ST6GAL2: variants seen among roughly 807,000 people sequenced by gnomAD.
ST6GAL2 encodes beta-galactoside alpha-2,6-sialyltransferase 2.
ST6GAL2 carries 24 observed loss-of-function variants against 37.5 expected under a neutral mutation model. That is an observed-to-expected ratio of 0.64 (90% CI 0.46 to 0.90). ST6GAL2 has a LOEUF of 0.90. Ranked by LOEUF, ST6GAL2 falls within the 40% of genes least tolerant of loss-of-function variation. The pLI is 0.00. For synonymous variants in ST6GAL2, 306 were observed against 295.1 expected, an observed-to-expected ratio of 1.04 and a Z score of -0.38; for missense variants, 715 against 712.7, an observed-to-expected ratio of 1.00 and a Z score of -0.04.
intron 1 of ST6GAL2, among the ~76,000 whole-genome samples, chr2:106,863,503 G>A (rs1456442454): frequency 2.0e-5 from 3 of 152,018 alleles, no homozygotes; most frequent in South Asian, 2.1e-4. Context: ...TGACCCCCCC[G>A]TCTAACGCAC....
chr2:106,838,605 G>A (rs1676742294), intron 2 of ST6GAL2, among the ~76,000 whole-genome samples: 1 of 152,202 alleles, frequency 6.6e-6, no homozygotes, highest in East Asian at 1.9e-4. Flanking sequence ...GAGAGCTAGT[G>A]TTTCTGGAGA....
At chr2:106,837,809 G>A (rs1676709316) in intron 2 of ST6GAL2, among the ~76,000 whole-genome samples, 1 of 152,208 alleles carries the variant, frequency 6.6e-6, no homozygotes. Flanking sequence ...GTCTTATTGT[G>A]GAGCTGTGCT....
intron 1 of ST6GAL2, among the ~76,000 whole-genome samples, chr2:106,880,009 G>C (rs1366177714): frequency 6.8e-6 from 1 of 147,882 alleles, no homozygotes; most frequent in African/African-American, 2.5e-5. Context: ...TACTATTATA[G>C]ACCAATTATA....
chr2:106,858,684 A>G (rs937766367), intron 1 of ST6GAL2, among the ~76,000 whole-genome samples: 1 of 152,288 alleles, frequency 6.6e-6, no homozygotes, highest in Admixed American at 6.5e-5. Context: ...GGATTCCCAT[A>G]TCCTGTCAAC....
At chr2:106,812,762 T>C (rs1032873009) in intron 5 of ST6GAL2, among the ~76,000 whole-genome samples, 2 of 152,262 alleles carry the variant, frequency 1.3e-5, no homozygotes, top group Non-Finnish European at 2.9e-5. Context: ...CATCTGGTTA[T>C]GCTAAAAATG....
rs554714372 is a variant in ST6GAL2 at position 106,842,546 on chromosome 2, G to A, written c.943+489C>T. Among the ~76,000 whole-genome samples the A allele has an allele frequency of 5.3e-5, 8 of 152,272 alleles. No individual in the cohort carries two copies. The South Asian group carries it at 1.5e-3, about 28-fold the overall frequency. ...TTATCTTCATGCACCCTGCTCTTTG[G>A]AGCTGACGCCCTGATTGGGCAGCTT... On this transcript the variant is annotated intron_variant, in intron 2 of 5. Transcript: ENST00000409382.
intron 1 of ST6GAL2, among the ~76,000 whole-genome samples, chr2:106,885,143 T>C (rs1408897947): frequency 6.6e-6 from 1 of 151,674 alleles, no homozygotes; most frequent in Non-Finnish European, 1.5e-5. Context: ...AAATACAAAA[T>C]GTGCTTCCAG....
In ST6GAL2 at chr2:106,867,129, G is replaced by A. The variant is rs770265683; in HGVS notation, c.-58+18964C>T. On this transcript the variant is annotated intron_variant, in intron 1 of 5. Coordinates refer to ENST00000409382, the MANE Select transcript of ST6GAL2 (RefSeq NM_001142351.2). ...AACATTTTGTTTTAGTACCTTGGAG[G>A]GCACTTCTTTCCTGTTTTTTGAATA... Among the ~76,000 whole-genome samples, 36 of 152,108 alleles carry A rather than the reference G, an allele frequency of 2.4e-4. 1 individual carries two copies. Among genetic ancestry groups the A allele is most frequent in the Non-Finnish European group, 4.6e-4 (31 of 68,028 alleles).
intron 1 of ST6GAL2, among the ~76,000 whole-genome samples, chr2:106,884,970 T>C (rs988696622): frequency 1.4e-5 from 2 of 145,904 alleles, no homozygotes; most frequent in East Asian, 2.0e-4. Context: ...TATGTGTATG[T>C]ATATACATAT....
chr2:106,835,531 C>T (rs1412905611), intron 2 of ST6GAL2, among the ~76,000 whole-genome samples: 4 of 152,174 alleles, frequency 2.6e-5, no homozygotes, highest in Non-Finnish European at 4.4e-5. Flanking sequence ...ATGCATAAAG[C>T]GTAGGTGGCT....
intron 1 of ST6GAL2, among the ~76,000 whole-genome samples, chr2:106,847,950 G>C (rs1164858942): frequency 3.3e-5 from 5 of 152,056 alleles, no homozygotes; most frequent in African/African-American, 1.2e-4. Context: ...CTGGCCATGT[G>C]AGTGAACTTA....
At chr2:106,862,014 G>T (rs1677819775) in intron 1 of ST6GAL2, among the ~76,000 whole-genome samples, 1 of 152,134 alleles carries the variant, frequency 6.6e-6, no homozygotes, top group African/African-American at 2.4e-5. Context: ...AAGGGTATCT[G>T]CAACTAATTT....
At chr2:106,876,504 A>C (rs144068717) in intron 1 of ST6GAL2, among the ~76,000 whole-genome samples, 102 of 152,320 alleles carry the variant, frequency 6.7e-4, no homozygotes, top group African/African-American at 2.4e-3. Context: ...AAATTGTTTA[A>C]AAGTTATTTT....
chr2:106,883,528 T>C (rs755257773), intron 1 of ST6GAL2, among the ~76,000 whole-genome samples: 1 of 152,178 alleles, frequency 6.6e-6, no homozygotes, highest in African/African-American at 2.4e-5. Flanking sequence ...AATTAGTATA[T>C]AATTATATGC....
Position 106,843,274 on chromosome 2 carries a change from C to T in ST6GAL2, c.704G>A (p.Gly235Glu), listed in dbSNP as rs775186979. The T allele has an allele frequency of 1.9e-6, 3 of 1,608,382 alleles. No homozygotes were observed. In the South Asian group the frequency reaches 3.3e-5, roughly 18 times the overall value. The change falls in exon 2 of 6, where the codon GGG becomes GAG. Residue 235 changes from glycine (G) to glutamate (E), a missense_variant. By Grantham distance (98) the Gly-to-Glu change is moderately conservative. Transcript: ENST00000409382. ...MKDYLTANKH[G>E]VRFRGKREAG... Reference sequence around the variant, plus strand: ...CTCCCGCTTCCCGCGGAAGCGCACCCCGTGCTTGTTGGCGGTCAGGTAATC... The same window carrying T: ...CTCCCGCTTCCCGCGGAAGCGCACCTCGTGCTTGTTGGCGGTCAGGTAATC...
intron 5 of ST6GAL2, among the ~76,000 whole-genome samples, chr2:106,810,303 T>C (rs1254476724): frequency 2.0e-5 from 3 of 152,244 alleles, no homozygotes; most frequent in African/African-American, 4.8e-5. Context: ...AAGTACTCTA[T>C]ATTTAAAAAG....
chr2:106,883,064 G>T (rs1678817336), intron 1 of ST6GAL2, among the ~76,000 whole-genome samples: 1 of 152,150 alleles, frequency 6.6e-6, no homozygotes, highest in Non-Finnish European at 1.5e-5. Flanking sequence ...ACCAATGCTG[G>T]AGCTGGACCA....
At position 106,804,156 on chromosome 2, in the gene ST6GAL2, AGTCT is replaced by A. The variant is rs1675342809; in HGVS notation, c.*2518_*2521del. On this transcript the variant is annotated 3_prime_UTR_variant, in exon 6 of 6. Coordinates refer to ENST00000409382, the MANE Select transcript of ST6GAL2 (RefSeq NM_001142351.2). Reference sequence around the variant, plus strand: ...TAACTAAATTTCCTTTGTACTCTTCAGTCTTTCTTGTAACCTCAATGAAACTGAA... The same window carrying A: ...TAACTAAATTTCCTTTGTACTCTTCATTCTTGTAACCTCAATGAAACTGAA... 1.3e-5 allele frequency: 2 copies of A among 152,216 alleles called. No individual in the cohort carries two copies. Among genetic ancestry groups the A allele is most frequent in the African/African-American group, 4.8e-5 (2 of 41,464 alleles). The allele number at this position is 152,216 out of a possible 1,614,324, so 9.4% of individuals were successfully genotyped here. A position where few individuals can be genotyped will look rare whatever the true frequency, so the allele number is the denominator to read the frequency against.
In ST6GAL2 at chr2:106,834,055, A is replaced by G. The variant is rs753249865; in HGVS notation, c.1035T>C (p.Asn345=). The change falls in exon 3 of 6, where the codon AAT becomes AAC. Residue 345 remains asparagine (N), a synonymous_variant. Coordinates refer to ENST00000409382, the MANE Select transcript of ST6GAL2 (RefSeq NM_001142351.2). The part of the protein sequence containing the change: ...VGNKTTIRII[N]SQILTNPSHH... ...AACACTCCATCTGTCTTACCTGCGA[A>G]TTAATGATGCGTATGGTGGTTTTAT... The G allele has an allele frequency of 1.2e-5, 19 of 1,611,624 alleles. No individual in the cohort carries two copies. The East Asian group carries it at 4.2e-4, about 36-fold the overall frequency.
Sources: gnomAD v4.1 joint callset for allele counts (sites outside exome capture counted in the v4.1 genomes callset) on GRCh38, gnomAD v4.1.1 for gene constraint, MANE v1.5 for transcripts, NCBI Gene and HGNC (gene_info 2026-07-23, HGNC 2026-07-21) for gene names.